The following ADGRG5 variants were observed in gnomAD, a reference collection of about 807,000 sequenced individuals.
ADGRG5 encodes the protein G protein-coupled receptor 114.
A neutral mutation model predicts 53.2 loss-of-function variants in ADGRG5; 37 were observed. The ratio of observed to expected loss-of-function variants is 0.70; its 90% CI spans 0.53 to 0.91. The LOEUF (loss-of-function observed/expected upper bound fraction) is 0.91, where lower values mean the gene tolerates loss of function less well. Among genes scored for constraint, ADGRG5 ranks in the 40% least tolerant of loss-of-function variants. The probability of loss-of-function intolerance (pLI) is 0.00; values close to 1 mark genes in which losing one functional copy is unlikely to be tolerated. For missense variants in ADGRG5, 614 were observed against 675.8 expected, an observed-to-expected ratio of 0.91 and a Z score of 1.01; for synonymous variants, 277 against 290.4, an observed-to-expected ratio of 0.95 and a Z score of 0.47.
chr16:57,563,142 C>T lies in ADGRG5; in HGVS notation c.192C>T (p.Tyr64=), dbSNP rs1195488744. Residue 64 remains tyrosine (Y), a synonymous_variant, in exon 4 of 12, where the codon TAC becomes TAT. Coordinates refer to ENST00000349457, the MANE Select transcript of ADGRG5 (RefSeq NM_001304376.3). ...QMLLNTSFPG[Y]NLTLQTPTIQ... ...TACTGAACACCAGCTTCCCAGGCTA[C>T]AACCTGACCTTGCAGACACCCACCA... 2.5e-6 allele frequency: 4 copies of T among 1,614,210 alleles called. No homozygotes were observed. The South Asian group carries it at 4.4e-5, about 18-fold the overall frequency.
intron 4 of ADGRG5, 125 bp from the exon 5 acceptor site, chr16:57,563,723 G>A (rs547848008): frequency 8.2e-6 from 10 of 1,226,362 alleles, no homozygotes; most frequent in East Asian, 2.3e-5. Flanking sequence ...ATGCAGCCTG[G>A]GGGGAGAAGG....
At chr16:57,537,935 G>C (rs1448409176), upstream of ADGRG5, among the ~76,000 whole-genome samples, 1 of 152,130 alleles carries the variant, frequency 6.6e-6, no homozygotes, top group Non-Finnish European at 1.5e-5. Flanking sequence ...GGAAATGAAG[G>C]CTCAGAGAGG....
rs774755764 is a variant in ADGRG5 at position 57,575,412 on chromosome 16, G to A, written c.1487-26G>A. 3.9e-5 allele frequency: 63 copies of A among 1,608,332 alleles called. No individual in the cohort carries two copies. The Admixed American group carries it at 9.0e-4, about 23-fold the overall frequency. ...CCTTTGGGGAAGCCCATGCTGCCCCGTGGAACTCCCGCCTTTCTCTTGCAG... is the reference window on the plus strand; with the variant it reads ...CCTTTGGGGAAGCCCATGCTGCCCCATGGAACTCCCGCCTTTCTCTTGCAG... On this transcript the variant is annotated intron_variant, in intron 11 of 11. Coordinates refer to ENST00000349457, the MANE Select transcript of ADGRG5 (RefSeq NM_001304376.3).
the ADGRG5 span, among the ~76,000 whole-genome samples, chr16:57,536,019 G>C: frequency 2.6e-5 from 4 of 152,202 alleles, no homozygotes; most frequent in African/African-American, 9.6e-5. Context: ...GACGGGCGGA[G>C]GGTGGAGGGG....
the ADGRG5 span, among the ~76,000 whole-genome samples, chr16:57,534,279 G>GC: frequency 1.3e-5 from 2 of 152,150 alleles, no homozygotes; most frequent in Non-Finnish European, 2.9e-5. Context: ...GCCACTTAGA[G>GC]CTTCCATCAG....
At chr16:57,563,482 G>C (rs2033054278) in intron 4 of ADGRG5, among the ~76,000 whole-genome samples, 1 of 152,226 alleles carries the variant, frequency 6.6e-6, no homozygotes, top group African/African-American at 2.4e-5. Context: ...TCTTCTTCCT[G>C]CTTTGGCTGG....
In ADGRG5 at chr16:57,568,000, C is replaced by G; in HGVS notation, c.966C>G (p.His322Gln). 6.2e-7 allele frequency: 1 copy of G among 1,614,084 alleles called. No individual in the cohort carries two copies. The highest frequency in any genetic ancestry group is 8.5e-7 in the Non-Finnish European group (1 of 1,179,970). The stretch of plus-strand genomic sequence containing the variant: ...GCACGGCTCTGGCCGCTGCCCTGCA[C>G]TACGCGCTGCTCAGCTGCCTCACCT... ...SACTALAAAL[H>Q]YALLSCLTWM... is the part of the protein sequence containing the mutation. The change falls in exon 9 of 12, where the codon CAC becomes CAG. Residue 322 changes from histidine (H) to glutamine (Q), a missense_variant. Transcript: ENST00000349457.
intron 1 of ADGRG5, among the ~76,000 whole-genome samples, chr16:57,546,370 C>T (rs779237972): frequency 5.9e-5 from 9 of 152,224 alleles, no homozygotes; most frequent in Non-Finnish European, 7.3e-5. Context: ...AAATGATCCT[C>T]CTGCCTCAGC....
chr16:57,550,255 G>T (rs2146762947), intron 1 of ADGRG5, among the ~76,000 whole-genome samples: 1 of 152,334 alleles, frequency 6.6e-6, no homozygotes, highest in African/African-American at 2.4e-5. Context: ...TGGGATTACA[G>T]GCATGAGCCA....
At chr16:57,567,632 G>GCA (rs780703912) in intron 8 of ADGRG5, 41 bp downstream of exon 8, 143 of 1,596,624 alleles carry the variant, frequency 9.0e-5, no homozygotes, top group Non-Finnish European at 1.2e-4. Context: ...CTGCACTGTG[G>GCA]CACATCACGC....
the ADGRG5 span, among the ~76,000 whole-genome samples, chr16:57,533,694 G>GCA: frequency 6.7e-6 from 1 of 148,870 alleles, no homozygotes; most frequent in African/African-American, 2.5e-5. Flanking sequence ...CCAGTAACGT[G>GCA]CACACACACA....
intron 1 of ADGRG5, among the ~76,000 whole-genome samples, chr16:57,555,342 T>A (rs185441056): frequency 6.6e-6 from 1 of 152,286 alleles, no homozygotes; most frequent in East Asian, 1.9e-4. Context: ...CTCGTGATAG[T>A]GAGTGAGTTC....
chr16:57,549,276 A>C (rs768072581), intron 1 of ADGRG5, among the ~76,000 whole-genome samples: 18 of 152,196 alleles, frequency 1.2e-4, no homozygotes, highest in Non-Finnish European at 1.8e-4. Context: ...TCTTAGACAG[A>C]GAGTGCAGGA....
intron 9 of ADGRG5, 93 bp downstream of exon 9, chr16:57,568,217 C>T: frequency 7.7e-7 from 1 of 1,299,508 alleles, no homozygotes; most frequent in South Asian, 1.3e-5. Context: ...TCCTCATCGT[C>T]ATAGTGGCCA....
intron 10 of ADGRG5, among the ~76,000 whole-genome samples, chr16:57,570,997 G>A (rs1358017314): frequency 6.6e-6 from 1 of 152,208 alleles, no homozygotes; most frequent in African/African-American, 2.4e-5. Flanking sequence ...TGGGCTTGGG[G>A]GAGACAAAGA....
Position 57,566,639 on chromosome 16 carries a change from C to A in ADGRG5, c.587C>A (p.Ala196Asp), listed in dbSNP as rs770954433. 5 of 1,581,316 alleles carry A rather than the reference C, an allele frequency of 3.2e-6. No individual in the cohort carries two copies. The highest frequency in any genetic ancestry group is 4.3e-6 in the Non-Finnish European group (5 of 1,165,048). Residue 196 changes from alanine (A) to aspartate (D), a missense_variant, in exon 7 of 12, where the codon GCC becomes GAC. By Grantham distance (126) the Ala-to-Asp change is moderately radical. Coordinates refer to ENST00000349457, the MANE Select transcript of ADGRG5 (RefSeq NM_001304376.3). ...TLTCVFWKEG[A>D]RKQPWGGWSP... ...ACCTGTGTCTTCTGGAAGGAGGGAG[C>A]CAGGAAACAGCCCTGGGGGGGCTGG...
In ADGRG5 at chr16:57,575,828, A is replaced by G; in HGVS notation, c.*290A>G. ...ATGTGGGCAGAGCACCAGCCTGGGC[A>G]TCAGGAAGCCAAGTTTCAAGGACTG... On this transcript the variant is annotated 3_prime_UTR_variant, in exon 12 of 12. Coordinates refer to ENST00000349457, the MANE Select transcript of ADGRG5 (RefSeq NM_001304376.3). 2.5e-6 allele frequency: 1 copy of G among 398,956 alleles called. No homozygotes were observed. 24.7% of individuals were successfully genotyped at this position (398,956 alleles called of 1,614,324 possible).
chr16:57,536,972 C>T, the ADGRG5 span, among the ~76,000 whole-genome samples: 1 of 152,188 alleles, frequency 6.6e-6, no homozygotes, highest in Admixed American at 6.5e-5. Flanking sequence ...GCATTTTTCC[C>T]TGGGCCAGCT....
chr16:57,560,107 A>G (rs1200271530), intron 1 of ADGRG5, among the ~76,000 whole-genome samples: 1 of 151,474 alleles, frequency 6.6e-6, no homozygotes, highest in Non-Finnish European at 1.5e-5. Context: ...TTTCTTGAAG[A>G]CCTCCCTCCC....
Sources: gnomAD v4.1 joint callset for allele counts (sites outside exome capture counted in the v4.1 genomes callset) on GRCh38, gnomAD v4.1.1 for gene constraint, MANE v1.5 for transcripts, NCBI Gene and HGNC (gene_info 2026-07-23, HGNC 2026-07-21) for gene names.